CHCHD3: variants seen among roughly 807,000 people sequenced by gnomAD.
CHCHD3 encodes coiled-coil-helix-coiled-coil-helix domain containing 3, also known as MICOS complex subunit MIC19.
A neutral mutation model predicts 38.2 loss-of-function variants in CHCHD3; 20 were observed. The ratio of observed to expected loss-of-function variants is 0.52; its 90% confidence interval spans 0.37 to 0.76. CHCHD3 has a LOEUF of 0.76. Ranked by LOEUF, CHCHD3 falls within the 30% of genes least tolerant of loss-of-function variation. The pLI is 0.00. For synonymous variants in CHCHD3, 82 were observed against 100.0 expected, an observed-to-expected ratio of 0.82 and a Z score of 1.07; for missense variants, 245 against 279.2, an observed-to-expected ratio of 0.88 and a Z score of 0.87.
At chr7:132,926,841 TG>T (rs562969293) in intron 4 of CHCHD3, among the ~76,000 whole-genome samples, 178 of 152,100 alleles carry the variant, frequency 1.2e-3, no homozygotes, top group African/African-American at 3.9e-3. Flanking sequence ...GTTGTATTGT[TG>T]TTTTTTTTTC....
At chr7:132,882,903 T>G (rs560940460) in intron 5 of CHCHD3, among the ~76,000 whole-genome samples, 1 of 152,254 alleles carries the variant, frequency 6.6e-6, no homozygotes, top group Admixed American at 6.5e-5. Flanking sequence ...CATCTTGAAT[T>G]GTGATACCCA....
intron 3 of CHCHD3, among the ~76,000 whole-genome samples, chr7:132,981,248 T>G (rs1811911568): frequency 6.6e-6 from 1 of 151,926 alleles, no homozygotes; most frequent in Non-Finnish European, 1.5e-5. Flanking sequence ...TGGGCTCAAG[T>G]GATCTGTCCA....
At chr7:132,883,035 G>GCT (rs1295923766) in intron 5 of CHCHD3, among the ~76,000 whole-genome samples, 1 of 132,862 alleles carries the variant, frequency 7.5e-6, no homozygotes, top group Non-Finnish European at 1.7e-5. Flanking sequence ...TCCCCTGCAC[G>GCT]CTCTCTCTCT....
chr7:132,870,239 A>G (rs984284108), intron 5 of CHCHD3, among the ~76,000 whole-genome samples: 12 of 150,760 alleles, frequency 8.0e-5, no homozygotes, highest in African/African-American at 1.5e-4. Flanking sequence ...AGTCTCAGGT[A>G]TTCAGGAGGC....
chr7:132,938,804 TGAG>T (rs1162735472), intron 4 of CHCHD3, among the ~76,000 whole-genome samples: 1 of 151,910 alleles, frequency 6.6e-6, no homozygotes, highest in African/African-American at 2.4e-5. Context: ...CCTGGGGAGA[TGAG>T]GAGAAGAGTG....
intron 6 of CHCHD3, among the ~76,000 whole-genome samples, chr7:132,806,715 T>C (rs1263773817): frequency 6.6e-6 from 1 of 151,248 alleles, no homozygotes; most frequent in South Asian, 2.1e-4. Flanking sequence ...AAGATTCACA[T>C]GGAAATTTAC....
intron 4 of CHCHD3, among the ~76,000 whole-genome samples, chr7:132,920,778 T>C (rs926626461): frequency 4.6e-5 from 7 of 152,124 alleles, no homozygotes; most frequent in Non-Finnish European, 1.0e-4. Context: ...TTAATTGTTG[T>C]ATTGTTTATA....
At chr7:133,014,918 C>A (rs1207371414) in intron 3 of CHCHD3, among the ~76,000 whole-genome samples, 1 of 152,134 alleles carries the variant, frequency 6.6e-6, no homozygotes, top group Admixed American at 6.5e-5. Flanking sequence ...AGGCAGGGCA[C>A]CAGCTGCTTC....
intron 4 of CHCHD3, among the ~76,000 whole-genome samples, chr7:132,908,264 C>T (rs1169057172): frequency 6.6e-6 from 1 of 152,094 alleles, no homozygotes; most frequent in Non-Finnish European, 1.5e-5. Context: ...GGGAGTATTC[C>T]TGTGTCCAAC....
At position 132,942,942 on chromosome 7, in the gene CHCHD3, T is replaced by C. The variant is rs1222074898; in HGVS notation, c.369+32227A>G. Among the ~76,000 whole-genome samples the C allele has an allele frequency of 5.3e-5, 8 of 151,958 alleles. No homozygotes were observed. The East Asian group carries it at 1.6e-3, about 29-fold the overall frequency. On this transcript the variant is annotated intron_variant, in intron 4 of 7. Transcript: ENST00000262570. ...CTATTGCTTACAGCATGTCCAACCA[T>C]GCACAAGTAATAAAGGGTCTGGTTG...
At chr7:132,886,177 T>C (rs1007924452) in intron 4 of CHCHD3, among the ~76,000 whole-genome samples, 1 of 152,098 alleles carries the variant, frequency 6.6e-6, no homozygotes, top group Non-Finnish European at 1.5e-5. Context: ...GAACAGTTAA[T>C]TACCTGCAAA....
chr7:133,032,828 A>G (rs1275724084), intron 2 of CHCHD3, among the ~76,000 whole-genome samples: 1 of 152,204 alleles, frequency 6.6e-6, no homozygotes, highest in Non-Finnish European at 1.5e-5. Flanking sequence ...TTAAAAAATA[A>G]TAATTACCTT....
intron 4 of CHCHD3, among the ~76,000 whole-genome samples, chr7:132,948,510 A>G (rs1810954869): frequency 6.6e-6 from 1 of 152,094 alleles, no homozygotes; most frequent in Admixed American, 6.6e-5. Flanking sequence ...TATAATGTGT[A>G]ATTTTGGTTT....
At chr7:132,984,907 C>T (rs1365478357) in intron 3 of CHCHD3, among the ~76,000 whole-genome samples, 10 of 82,876 alleles carry the variant, frequency 1.2e-4, no homozygotes, top group Admixed American at 2.4e-4. Context: ...GTGGGGGGGT[C>T]AGCCCCCCGC....
intron 3 of CHCHD3, among the ~76,000 whole-genome samples, chr7:133,024,310 T>C (rs1250393154): frequency 6.6e-6 from 1 of 152,230 alleles, no homozygotes; most frequent in Non-Finnish European, 1.5e-5. Context: ...GGCTCAATAT[T>C]CAAGCAACCA....
intron 4 of CHCHD3, among the ~76,000 whole-genome samples, chr7:132,914,854 A>G (rs1460914734): frequency 3.9e-5 from 6 of 152,160 alleles, no homozygotes; most frequent in African/African-American, 1.2e-4. Context: ...GAAAATAAAG[A>G]AGAATAATAT....
chr7:132,868,584 A>C (rs1402487728), intron 5 of CHCHD3, among the ~76,000 whole-genome samples: 1 of 152,132 alleles, frequency 6.6e-6, no homozygotes, highest in Non-Finnish European at 1.5e-5. Flanking sequence ...CTCTTGCATA[A>C]GTTGCACAAA....
At chr7:132,815,711 CT>C in intron 6 of CHCHD3, 1 of 343,740 alleles carries the variant, frequency 2.9e-6, no homozygotes, top group Non-Finnish European at 5.7e-6. Context: ...TTTCGTCCTT[CT>C]TTTTTCCTTC....
intron 6 of CHCHD3, among the ~76,000 whole-genome samples, chr7:132,800,478 C>T (rs1036106048): frequency 6.6e-6 from 1 of 152,150 alleles, no homozygotes; most frequent in Non-Finnish European, 1.5e-5. Context: ...CTGAGCTTTA[C>T]ATTTCAAGAA....
Sources: allele counts gnomAD v4.1 joint callset (sites outside exome capture counted in the v4.1 genomes callset), GRCh38; gene constraint gnomAD v4.1.1; transcripts MANE v1.5; gene names NCBI Gene and HGNC (gene_info 2026-07-23, HGNC 2026-07-21).